Variants in PCLO observed in about 807,000 individuals in gnomAD.
The protein encoded by PCLO is piccolo presynaptic cytomatrix protein.
PCLO carries 82 observed loss-of-function variants against 427.5 expected under a neutral mutation model. The ratio of observed to expected loss-of-function variants is 0.19; its 90% CI spans 0.16 to 0.23. The LOEUF (loss-of-function observed/expected upper bound fraction) is 0.23. Among genes scored for constraint, PCLO ranks in the 10% least tolerant of loss-of-function variants. The pLI is 1.00. For synonymous variants in PCLO, 2,357 were observed against 2,155.4 expected (o/e 1.09, Z -2.59); for missense variants, 6,239 against 6,115.9 (o/e 1.02, Z -0.67).
At chr7:83,104,056 C>G (rs766349571) in intron 3 of PCLO, among the ~76,000 whole-genome samples, 1 of 151,844 alleles carries the variant, frequency 6.6e-6, no homozygotes, top group Admixed American at 6.6e-5. Flanking sequence ...GACATTAAAG[C>G]CTTTTATTCT....
Position 82,951,154 on chromosome 7 carries a change from A to T in PCLO, c.9434T>A (p.Ile3145Lys), listed in dbSNP as rs780325591. Residue 3145 changes from isoleucine to lysine, a missense_variant, in exon 6 of 25, where the codon ATA becomes AAA. Ile to Lys is a moderately radical substitution (Grantham distance 102, BLOSUM62 -3). Transcript: ENST00000333891. ...GTCCGTTTCAGATGCACCTGTTGTT[A>T]TAAAATATGATCTAGGCATTGGCTG... ...HSQPMPRSYF[I>K]TTGASETDIA... 1 of 1,613,772 alleles carries T rather than the reference A, an allele frequency of 6.2e-7. No homozygotes were observed. The highest frequency in any genetic ancestry group is 1.1e-5 in the South Asian group (1 of 91,048).
At chr7:82,990,949 TTTC>T (rs1173718039) in intron 3 of PCLO, among the ~76,000 whole-genome samples, 2 of 152,166 alleles carry the variant, frequency 1.3e-5, no homozygotes, top group Admixed American at 6.6e-5. Flanking sequence ...TATTCATTTA[TTTC>T]TTACTTACTA....
intron 6 of PCLO, among the ~76,000 whole-genome samples, chr7:82,940,341 G>A (rs6467917): frequency 0.62 from 93,583 of 152,024 alleles, 30,130 homozygotes; most frequent in East Asian, 0.8. Flanking sequence ...TATTCATGTC[G>A]AAAGGAAAAA....
chr7:82,829,669 A>C (rs1220282895), intron 16 of PCLO, among the ~76,000 whole-genome samples: 1 of 152,178 alleles, frequency 6.6e-6, no homozygotes, highest in Admixed American at 6.6e-5. Context: ...TATACTTTTT[A>C]GATAAATTTG....
intron 10 of PCLO, among the ~76,000 whole-genome samples, chr7:82,872,650 A>G (rs17156782): frequency 0.021 from 3,144 of 152,218 alleles, 117 homozygotes; most frequent in African/African-American, 0.072. Flanking sequence ...ACTCCTACAC[A>G]TGGTCACAAG....
chr7:83,018,242 T>G (rs1246507439), intron 3 of PCLO, among the ~76,000 whole-genome samples: 1 of 151,988 alleles, frequency 6.6e-6, no homozygotes, highest in African/African-American at 2.4e-5. Context: ...AAAAAGCATT[T>G]AACACACAAT....
chr7:82,928,229 G>A (rs1322143165), intron 6 of PCLO, among the ~76,000 whole-genome samples: 4 of 152,122 alleles, frequency 2.6e-5, no homozygotes, highest in African/African-American at 9.7e-5. Context: ...GCATTCAAGT[G>A]TTTGCTATAT....
chr7:82,916,037 G>C lies in PCLO; in HGVS notation c.11949C>G (p.Asn3983Lys). 6.2e-7 allele frequency: 1 copy of C among 1,612,910 alleles called. No homozygotes were observed. Among genetic ancestry groups the C allele is most frequent in the Admixed American group, 1.7e-5 (1 of 59,980 alleles). The change falls in exon 7 of 25, where the codon AAC becomes AAG. Residue 3983 changes from asparagine to lysine, a missense_variant. By Grantham distance (94) the Asn-to-Lys change is moderately conservative. Around this residue, in one of 5 missense-constraint regions of PCLO, gnomAD observed 680 missense variants for 677.3 expected, o/e 1.00. Coordinates refer to ENST00000333891, the MANE Select transcript of PCLO (RefSeq NM_033026.6). Reference sequence around the variant, plus strand: ...AAACAGGTGCTATCATAAGGGGTTGGTTGCGAATCACTTCATAGTTTGAGG... The same window carrying C: ...AAACAGGTGCTATCATAAGGGGTTGCTTGCGAATCACTTCATAGTTTGAGG... ...KITSNYEVIR[N>K]QPLMIAPVST...
chr7:82,955,739 A>T lies in PCLO; in HGVS notation c.5214T>A (p.Asp1738Glu). The change falls in exon 5 of 25, where the codon GAT (aspartate) becomes GAA (glutamate). Residue 1738 changes from aspartate to glutamate, a missense_variant. By Grantham distance (45) the Asp-to-Glu change is conservative. Coordinates refer to ENST00000333891, the MANE Select transcript of PCLO (RefSeq NM_033026.6). ...GACTCGGGCTACTGTCACTGTCCTC[A>T]TCAAGTGATGATACTGATGTAGGGG... ...GTSPTSVSSL[D>E]EDSDSSPSHK... 4 of 1,613,930 alleles carry T rather than the reference A, an allele frequency of 2.5e-6. No individual in the cohort carries two copies. Among genetic ancestry groups the T allele is most frequent in the Non-Finnish European group, 3.4e-6 (4 of 1,179,864 alleles).
chr7:82,807,759 T>A, intron 20 of PCLO, among the ~76,000 whole-genome samples: 1 of 151,148 alleles, frequency 6.6e-6, no homozygotes, highest in East Asian at 1.9e-4. Context: ...TGTGTATAAG[T>A]TAGAAACGGC....
At position 82,831,682 on chromosome 7, in the gene PCLO, T is replaced by C. The variant is rs1792097012; in HGVS notation, c.14250-3716A>G. Among the ~76,000 whole-genome samples, 3 of 152,196 alleles carry C rather than the reference T, an allele frequency of 2.0e-5. No homozygotes were observed. In the South Asian group the frequency reaches 6.2e-4, roughly 31 times the overall value. On this transcript the variant is annotated intron_variant, in intron 16 of 24. Coordinates refer to ENST00000333891, the MANE Select transcript of PCLO (RefSeq NM_033026.6). ...TTTTAATAGAGTATCTTAATCATAG[T>C]AATGAGTTTGATTCTCCAATTCTCT...
At chr7:82,890,866 T>C (rs1205837427) in intron 9 of PCLO, among the ~76,000 whole-genome samples, 2 of 152,132 alleles carry the variant, frequency 1.3e-5, no homozygotes, top group East Asian at 3.9e-4. Context: ...TTTCAACTTA[T>C]TTCAGAAGAA....
rs189769912 is a variant in PCLO, at chr7:82,950,068, G to C, written c.10520C>G (p.Thr3507Ser). The C allele has an allele frequency of 3.5e-4, 569 of 1,611,032 alleles. 1 individual carries two copies. The highest frequency in any genetic ancestry group is 2.3e-4 in the Non-Finnish European group (270 of 1,179,226). The change falls in exon 6 of 25, where the codon ACC (threonine) becomes AGC (serine). Residue 3507 changes from threonine (T) to serine (S), a missense_variant. This residue lies in a region of PCLO where 4,677 missense variants were observed against 4,468.4 expected (regional missense o/e 1.05). Coordinates refer to ENST00000333891, the MANE Select transcript of PCLO (RefSeq NM_033026.6). ...YGDSMTEADK[T>S]KPLSKVSSIA... The stretch of plus-strand genomic sequence containing the variant: ...GCTGGAGACTTTGGAAAGGGGTTTG[G>C]TCTTGTCAGCCTCTGTCATGCTGTC...
At chr7:83,070,924 T>C (rs906861085) in intron 3 of PCLO, among the ~76,000 whole-genome samples, 11 of 152,188 alleles carry the variant, frequency 7.2e-5, no homozygotes, top group Non-Finnish European at 2.9e-5. Context: ...TTTATCACCA[T>C]TCTACTCATC....
At chr7:83,139,446 C>T (rs1306843295) in intron 2 of PCLO, among the ~76,000 whole-genome samples, 1 of 152,178 alleles carries the variant, frequency 6.6e-6, no homozygotes, top group East Asian at 1.9e-4. Context: ...AATTAGAACA[C>T]TGCCAGACAT....
chr7:82,907,408 T>A (rs1794217748), intron 8 of PCLO, among the ~76,000 whole-genome samples: 1 of 152,020 alleles, frequency 6.6e-6, no homozygotes, highest in Non-Finnish European at 1.5e-5. Flanking sequence ...ATTCATATAA[T>A]AAACACATTT....
Position 83,155,337 on chromosome 7 carries a change from C to T in PCLO, c.1304G>A (p.Gly435Glu), listed in dbSNP as rs1408345119. 1.9e-6 allele frequency: 3 copies of T among 1,613,262 alleles called. No homozygotes were observed. The highest frequency in any genetic ancestry group is 1.1e-5 in the South Asian group (1 of 91,058). Residue 435 changes from glycine to glutamate, a missense_variant, in exon 2 of 25, where the codon GGG (glycine) becomes GAG (glutamate). Transcript: ENST00000333891. ...CTGCTGAACTGGAGTCTTTGTAGGC[C>T]CAGGTGCCTTAGCTGGAGACTGTAG... ...PGLQSPAKAP[G>E]PTKTPVQQPG...
intron 22 of PCLO, among the ~76,000 whole-genome samples, chr7:82,768,519 T>C (rs1790581501): frequency 6.6e-6 from 1 of 152,132 alleles, no homozygotes. Flanking sequence ...TAAAGTAATA[T>C]GGCTAAAATA....
chr7:82,954,928 C>G lies in PCLO; in HGVS notation c.6025G>C (p.Asp2009His). The change falls in exon 5 of 25, where the codon GAC becomes CAC. Residue 2009 changes from aspartate (D) to histidine (H), a missense_variant. Physicochemically the swap from Asp to His is moderately conservative, Grantham distance 81. Coordinates refer to ENST00000333891, the MANE Select transcript of PCLO (RefSeq NM_033026.6). Reference sequence around the variant, plus strand: ...AACTCATAAAACTCTTTCTGGAGGTCTGTAATTTTCTGCATAGGATCTTCA... The same window carrying G: ...AACTCATAAAACTCTTTCTGGAGGTGTGTAATTTTCTGCATAGGATCTTCA... ...IYEDPMQKIT[D>H]LQKEFYELES... The G allele has an allele frequency of 6.2e-7, 1 of 1,613,588 alleles. No individual in the cohort carries two copies. Among genetic ancestry groups the G allele is most frequent in the Non-Finnish European group, 8.5e-7 (1 of 1,179,808 alleles).
Sources: allele counts gnomAD v4.1 joint callset (sites outside exome capture counted in the v4.1 genomes callset), GRCh38; gene constraint gnomAD v4.1.1; regional missense constraint gnomAD v4.1.1; transcripts MANE v1.5; gene names NCBI Gene and HGNC (gene_info 2026-07-23, HGNC 2026-07-21).